Variants in ANKHD1 observed in about 807,000 individuals in gnomAD.
The protein encoded by ANKHD1 is ankyrin repeat and KH domain containing 1.
Under a neutral mutation model 230.5 loss-of-function variants are expected in ANKHD1, and 31 were observed. That is an observed-to-expected ratio of 0.13 (90% CI 0.10 to 0.18). The LOEUF is 0.18. Ranked by LOEUF, ANKHD1 falls within the 10% of genes least tolerant of loss-of-function variation. ANKHD1 has a pLI of 1.00. For missense variants in ANKHD1, 2,256 were observed against 3,071.3 expected (o/e 0.73, Z 6.27); for synonymous variants, 1,074 against 1,117.6 (o/e 0.96, Z 0.78).
chr5:140,498,253 C>G (rs548244910), intron 15 of ANKHD1: 1 of 152,354 alleles, frequency 6.6e-6, no homozygotes, highest in South Asian at 2.1e-4. Flanking sequence ...TCTGTTGCCT[C>G]TTGTCATATT....
intron 14 of ANKHD1, 57 bp from the exon 15 acceptor site, chr5:140,496,463 T>G: frequency 1.1e-5 from 6 of 552,610 alleles, no homozygotes; most frequent in Non-Finnish European, 1.1e-5. Context: ...TTTCTTTTCT[T>G]TTTTTTTTTT....
intron 26 of ANKHD1, 55 bp from the exon 27 acceptor site, chr5:140,526,873 G>C (rs191136733): frequency 6.5e-7 from 1 of 1,541,198 alleles, no homozygotes; most frequent in Non-Finnish European, 8.7e-7. Flanking sequence ...ATAGTCTCTT[G>C]AGTTTCTATC....
chr5:140,531,590 AAGT>A (rs1156440912), intron 29 of ANKHD1, among the ~76,000 whole-genome samples: 1 of 152,116 alleles, frequency 6.6e-6, no homozygotes, highest in Non-Finnish European at 1.5e-5. Context: ...GAAAAAAAAA[AAGT>A]AGTAATACTT....
Position 140,506,701 on chromosome 5 carries a change from G to T in ANKHD1, c.3409-134G>T. On this transcript the variant is annotated intron_variant, in intron 18 of 33. Coordinates refer to ENST00000360839, the MANE Select transcript of ANKHD1 (RefSeq NM_017747.3). This position sits in a 1 kb window ranked among gnomAD's most constrained non-coding sequence, Gnocchi z 4.7. ...TCTAGTGTTGATATTTCAATATTTA[G>T]GGTCTAATGAAATGTAATTAAAATA... 2 of 1,312,722 alleles carry T rather than the reference G, an allele frequency of 1.5e-6. No individual in the cohort carries two copies. Among genetic ancestry groups the T allele is most frequent in the Non-Finnish European group, 2.1e-6 (2 of 966,368 alleles). 81.3% of individuals were successfully genotyped at this position (1,312,722 alleles called of 1,614,324 possible). A position where few individuals can be genotyped will look rare whatever the true frequency, so the allele number is the denominator to read the frequency against.
At position 140,526,363 on chromosome 5, in the gene ANKHD1, G is replaced by A. The variant is rs140393380; in HGVS notation, c.4860G>A (p.Val1620=). 8.2e-4 allele frequency: 1,320 copies of A among 1,614,136 alleles called. 18 individuals carry two copies. The South Asian group carries it at 0.012, about 14-fold the overall frequency. ...KSQELNFVMD[V]NSSKYPSLLL... is the part of the protein sequence containing the mutation. ...AAGAGTTAAATTTTGTGATGGATGT[G>A]AATTCCTCTAAATACCCCTCACTGC... The change falls in exon 26 of 34, where the codon GTG becomes GTA. Residue 1620 remains valine, a synonymous_variant. Transcript: ENST00000360839.
At chr5:140,533,603 A>AAAAT (rs1172299327) in intron 29 of ANKHD1, among the ~76,000 whole-genome samples, 1 of 151,816 alleles carries the variant, frequency 6.6e-6, no homozygotes, top group African/African-American at 2.4e-5. Context: ...CCTCTCAAGA[A>AAAAT]AAATAAATAA....
intron 24 of ANKHD1, among the ~76,000 whole-genome samples, chr5:140,523,099 TTC>T (rs1418102681): frequency 2.6e-5 from 4 of 151,078 alleles, no homozygotes; most frequent in South Asian, 2.1e-4. Context: ...ATTAATTTTT[TTC>T]TTTTTCCTTT....
intron 3 of ANKHD1, among the ~76,000 whole-genome samples, chr5:140,439,005 A>G (rs975352887): frequency 6.6e-6 from 1 of 152,194 alleles, no homozygotes; most frequent in Non-Finnish European, 1.5e-5. Context: ...CTTGCTACTC[A>G]AATATGGTCC....
intron 1 of ANKHD1, among the ~76,000 whole-genome samples, chr5:140,412,766 G>A (rs1033196608): frequency 1.3e-5 from 2 of 152,148 alleles, no homozygotes; most frequent in Non-Finnish European, 2.9e-5. Context: ...ACAGTGCATG[G>A]TTCCTGTGAG....
At chr5:140,425,066 G>A (rs910078842) in intron 1 of ANKHD1, among the ~76,000 whole-genome samples, 3 of 152,150 alleles carry the variant, frequency 2.0e-5, no homozygotes, top group Non-Finnish European at 4.4e-5. Context: ...TCCTTCTCCT[G>A]TTTTCAGTTA....
chr5:140,499,570 GATA>G (rs1173672921), intron 15 of ANKHD1, among the ~76,000 whole-genome samples: 2 of 152,018 alleles, frequency 1.3e-5, no homozygotes, highest in African/African-American at 2.4e-5. Flanking sequence ...TATTTGTTGT[GATA>G]ATAAGTTGTT....
rs879716621 is a variant in ANKHD1, at chr5:140,473,446, A to AT, written c.1782+8682dup. On this transcript the variant is annotated intron_variant, in intron 10 of 33. Transcript: ENST00000360839. ...GTTGAGATTTTTAAAAATTTTTTAA[A>AT]TTTTTTTTTTTTGAGACAGGGTCTC... Among the ~76,000 whole-genome samples the AT allele has an allele frequency of 2.6e-3, 372 of 142,366 alleles. 1 individual carries two copies. Among genetic ancestry groups the AT allele is most frequent in the Non-Finnish European group, 4.4e-3 (285 of 64,380 alleles). The allele number at this position is 142,366 out of a possible 152,430, so 93.4% of individuals were successfully genotyped here.
rs762820167 is a variant in ANKHD1 at position 140,538,935 on chromosome 5, T to C, written c.7421T>C (p.Met2474Thr). Residue 2474 changes from methionine to threonine, a missense_variant, in exon 33 of 34, where the codon ATG becomes ACG. By Grantham distance (81) the Met-to-Thr change is moderately conservative. Transcript: ENST00000360839. ...CTGTTTTAGGGTCTGCCAATTTCCA[T>C]GTATGGAGGCACCATAATACCCTCT... The part of the protein sequence containing the change: ...VDFSKGLPIS[M>T]YGGTIIPSHP... 4 of 1,558,928 alleles carry C rather than the reference T, an allele frequency of 2.6e-6. No individual in the cohort carries two copies. Among genetic ancestry groups the C allele is most frequent in the East Asian group, 2.3e-5 (1 of 43,076 alleles).
rs919749287 is a variant in ANKHD1, at chr5:140,527,730, A to G, written c.5088-143A>G. ...TCAATATTACAAGAGATCAATTTCT[A>G]AAATAAAAACTTTTAATAATTTCCT... is the stretch of plus-strand genomic sequence containing the variant. On this transcript the variant is annotated intron_variant, in intron 27 of 33. Coordinates refer to ENST00000360839, the MANE Select transcript of ANKHD1 (RefSeq NM_017747.3). The surrounding 1 kb of genome is among the most constrained non-coding windows in gnomAD (Gnocchi z 4.5). 65 of 1,117,698 alleles carry G rather than the reference A, an allele frequency of 5.8e-5. No homozygotes were observed. Among genetic ancestry groups the G allele is most frequent in the Non-Finnish European group, 7.1e-5 (60 of 845,614 alleles). 69.2% of individuals were successfully genotyped at this position (1,117,698 alleles called of 1,614,324 possible). A position where few individuals can be genotyped will look rare whatever the true frequency, so the allele number is the denominator to read the frequency against.
chr5:140,503,302 G>T (rs1752383516), intron 15 of ANKHD1, among the ~76,000 whole-genome samples: 1 of 151,662 alleles, frequency 6.6e-6, no homozygotes, highest in Admixed American at 6.6e-5. Context: ...AGTGAATAAT[G>T]TTTTTATTTT....
Position 140,440,205 on chromosome 5 carries a change from CAGA to C in ANKHD1, c.710_712del (p.Glu237del). 6.2e-7 allele frequency: 1 copy of C among 1,613,472 alleles called. No individual in the cohort carries two copies. Among genetic ancestry groups the C allele is most frequent in the Non-Finnish European group, 8.5e-7 (1 of 1,179,658 alleles). On this transcript the variant is annotated inframe_deletion, in exon 4 of 34. Transcript: ENST00000360839. ...GAAGGCAGAAGTGTAAATGAACATA[CAGA>C]AGAAGGAGAAAGCCTGCTGTGTTTG...
intron 15 of ANKHD1, among the ~76,000 whole-genome samples, chr5:140,501,085 A>G (rs1581344261): frequency 6.6e-6 from 1 of 150,930 alleles, no homozygotes; most frequent in African/African-American, 2.4e-5. Flanking sequence ...TTAATATTTT[A>G]TTTATAGGTT....
At chr5:140,521,978 CAAAAT>C (rs1189773842) in intron 24 of ANKHD1, among the ~76,000 whole-genome samples, 5 of 152,090 alleles carry the variant, frequency 3.3e-5, no homozygotes, top group Admixed American at 6.6e-5. Flanking sequence ...GACTCTGTCT[CAAAAT>C]AAAATAAATA....
chr5:140,417,594 G>A (rs1771500295), intron 1 of ANKHD1, among the ~76,000 whole-genome samples: 1 of 151,754 alleles, frequency 6.6e-6, no homozygotes, highest in Non-Finnish European at 1.5e-5. Context: ...GGGACTATAG[G>A]TGCATGCCAC....
Sources: gnomAD v4.1 joint callset for allele counts (sites outside exome capture counted in the v4.1 genomes callset) on GRCh38, gnomAD v4.1.1 for gene constraint, Gnocchi (gnomAD v3.1) non-coding constraint, MANE v1.5 for transcripts, NCBI Gene and HGNC (gene_info 2026-07-23, HGNC 2026-07-21) for gene names.